The following UNC13B variants were observed in gnomAD, a reference collection of about 807,000 sequenced individuals.
UNC13B encodes unc-13 homolog B.
A neutral mutation model predicts 211.0 loss-of-function variants in UNC13B; 144 were observed. The ratio of observed to expected loss-of-function variants is 0.68; its 90% CI spans 0.60 to 0.78. The LOEUF is 0.78. UNC13B is among the 30% of genes least tolerant of loss of function. UNC13B has a pLI of 0.00. For synonymous variants in UNC13B, 709 were observed against 725.8 expected (o/e 0.98, Z 0.37); for missense variants, 1,777 against 2,002.0 (o/e 0.89, Z 2.14).
chr9:35,219,273 C>T lies in UNC13B; in HGVS notation c.23-8742C>T, dbSNP rs1378115739. On this transcript the variant is annotated intron_variant, in intron 1 of 39. Coordinates refer to ENST00000635942, the MANE Select transcript of UNC13B (RefSeq NM_001371189.2). Reference sequence around the variant, plus strand: ...ACCAGCTGGGGGTCCCTTCTTTGGTCCTTTGAGTGCAGAGTCTTTGCCCTG... The same window carrying T: ...ACCAGCTGGGGGTCCCTTCTTTGGTTCTTTGAGTGCAGAGTCTTTGCCCTG... 3.3e-5 allele frequency among the ~76,000 whole-genome samples: 5 copies of T among 152,146 alleles called. No individual in the cohort carries two copies. In the South Asian group the frequency reaches 8.3e-4, roughly 25 times the overall value.
chr9:35,253,499 C>A (rs192900370), intron 6 of UNC13B, among the ~76,000 whole-genome samples: 1 of 151,964 alleles, frequency 6.6e-6, no homozygotes, highest in African/African-American at 2.4e-5. Context: ...AAAAGGAAAC[C>A]CATGTGTATA....
chr9:35,162,746 A>T (rs927340722), intron 1 of UNC13B, among the ~76,000 whole-genome samples: 12 of 152,168 alleles, frequency 7.9e-5, no homozygotes, highest in African/African-American at 2.7e-4. Context: ...CAGCTGTCAC[A>T]TCCCTTCTAT....
chr9:35,257,390 T>TATAAATA (rs1162729349), intron 6 of UNC13B, among the ~76,000 whole-genome samples: 1 of 141,708 alleles, frequency 7.1e-6, no homozygotes, highest in African/African-American at 2.6e-5. Flanking sequence ...ATATAAATAT[T>TATAAATA]TATAAAAATA....
intron 7 of UNC13B, among the ~76,000 whole-genome samples, chr9:35,271,160 G>T (rs1827859956): frequency 6.8e-6 from 1 of 147,912 alleles, no homozygotes. Flanking sequence ...AAAAAAAAAG[G>T]ACATTTCTCC....
intron 13 of UNC13B, among the ~76,000 whole-genome samples, 176 bp downstream of exon 13, chr9:35,370,572 C>G (rs1438623238): frequency 6.6e-6 from 1 of 152,254 alleles, no homozygotes; most frequent in Non-Finnish European, 1.5e-5. Flanking sequence ...TGTTCTACCT[C>G]ACTCCCTAGT....
At chr9:35,183,728 C>T (rs1198756093) in intron 1 of UNC13B, among the ~76,000 whole-genome samples, 29 of 137,376 alleles carry the variant, frequency 2.1e-4, no homozygotes, top group African/African-American at 6.7e-4. Context: ...ACTTCCCAGA[C>T]GGGGCAGCCG....
intron 11 of UNC13B, among the ~76,000 whole-genome samples, chr9:35,347,947 T>C (rs1411573596): frequency 6.6e-6 from 1 of 151,988 alleles, no homozygotes; most frequent in Non-Finnish European, 1.5e-5. Flanking sequence ...AGGCCAAGTA[T>C]GTCTGGAGGG....
chr9:35,353,508 T>C (rs761139686), intron 11 of UNC13B: 16 of 1,231,420 alleles, frequency 1.3e-5, no homozygotes, highest in Non-Finnish European at 1.6e-5. Flanking sequence ...TCTGGTGGAG[T>C]TGGCGTCTCC....
rs61505062 is a variant in UNC13B at position 35,367,645 on chromosome 9, C to CT, written c.9461+653dup. 4.4e-4 allele frequency among the ~76,000 whole-genome samples: 67 copies of CT among 151,826 alleles called. 1 individual carries two copies. Among genetic ancestry groups the CT allele is most frequent in the African/African-American group, 1.6e-3 (66 of 41,356 alleles). ...GATGGTGTGGCTGATTAAGTTACTC[C>CT]TAGGCTTGATCCTGCTCCAGCTGTT... is the stretch of plus-strand genomic sequence containing the variant. On this transcript the variant is annotated intron_variant, in intron 12 of 39. Coordinates refer to ENST00000635942, the MANE Select transcript of UNC13B (RefSeq NM_001371189.2).
chr9:35,270,254 T>A (rs1827798973), intron 7 of UNC13B, among the ~76,000 whole-genome samples: 1 of 152,158 alleles, frequency 6.6e-6, no homozygotes, highest in South Asian at 2.1e-4. Context: ...ACTATGTTCT[T>A]CATACTGGTA....
In UNC13B at chr9:35,301,034, A is replaced by G. The variant is rs1408773719; in HGVS notation, c.1630A>G (p.Thr544Ala). 1.5e-5 allele frequency: 6 copies of G among 398,828 alleles called. No homozygotes were observed. Among genetic ancestry groups the G allele is most frequent in the African/African-American group, 4.1e-5 (2 of 48,618 alleles). 24.7% of individuals were successfully genotyped at this position (398,828 alleles called of 1,614,324 possible). A position where few individuals can be genotyped will look rare whatever the true frequency, so the allele number is the denominator to read the frequency against. Residue 544 changes from threonine to alanine, a missense_variant, in exon 9 of 40, where the codon ACA becomes GCA. Transcript: ENST00000635942. ...CAVGSLFSSL[T>A]EKVGSGTKHL... ...TGTTGGTTCTTTGTTTAGTTCACTC[A>G]CAGAAAAAGTGGGTTCAGGCACAAA...
intron 2 of UNC13B, among the ~76,000 whole-genome samples, chr9:35,230,406 G>A (rs1184152793): frequency 6.6e-6 from 1 of 150,608 alleles, no homozygotes; most frequent in East Asian, 2.0e-4. Flanking sequence ...GGTAGGTAGA[G>A]GTTGCAGTGA....
At position 35,247,131 on chromosome 9, in the gene UNC13B, C is replaced by G. The variant is rs539866646; in HGVS notation, c.468+3767C>G. 8.3e-3 allele frequency among the ~76,000 whole-genome samples: 1,268 copies of G among 152,198 alleles called. 16 individuals carry two copies. Among genetic ancestry groups the G allele is most frequent in the African/African-American group, 0.029 (1,204 of 41,546 alleles). ...TTTGAAGCAACTGTGAATGGGAGTT[C>G]ACTCATGATTTGGCTCTCTGTTTGT... is the stretch of plus-strand genomic sequence containing the variant. On this transcript the variant is annotated intron_variant, in intron 6 of 39. Coordinates refer to ENST00000635942, the MANE Select transcript of UNC13B (RefSeq NM_001371189.2).
At chr9:35,342,066 G>GT (rs1194164885) in intron 11 of UNC13B, 6 of 985,260 alleles carry the variant, frequency 6.1e-6, no homozygotes, top group African/African-American at 1.7e-5. Context: ...TCACTGAGGG[G>GT]TTTTTTTGCA....
At chr9:35,245,499 C>G (rs1197339193) in intron 6 of UNC13B, among the ~76,000 whole-genome samples, 2 of 119,186 alleles carry the variant, frequency 1.7e-5, no homozygotes, top group Non-Finnish European at 3.4e-5. Flanking sequence ...CCCTCCCCCC[C>G]TCCCCCCACC....
intron 7 of UNC13B, among the ~76,000 whole-genome samples, chr9:35,293,743 T>C (rs1365748153): frequency 1.3e-5 from 2 of 152,244 alleles, no homozygotes; most frequent in Non-Finnish European, 2.9e-5. Context: ...GTAAGCAGAA[T>C]GCTTTGCATC....
rs780869161 is a variant in UNC13B, at chr9:35,382,370, T to C, written c.10669T>C (p.Leu3557=). Residue 3557 remains leucine, a synonymous_variant, in exon 21 of 40, where the codon TTA becomes CTA. Coordinates refer to ENST00000635942, the MANE Select transcript of UNC13B (RefSeq NM_001371189.2). ...TGTGTTTTTCAGGCACTTTGCATGT[T>C]TATCATCCAAGTACATGTGTCCTGG... is the stretch of plus-strand genomic sequence containing the variant. ...IYQAMTHFAC[L]SSKYMCPGVP... 4 of 1,612,114 alleles carry C rather than the reference T, an allele frequency of 2.5e-6. No individual in the cohort carries two copies. Among genetic ancestry groups the C allele is most frequent in the Non-Finnish European group, 3.4e-6 (4 of 1,179,500 alleles).
chr9:35,239,580 C>T (rs1825695842), intron 5 of UNC13B, among the ~76,000 whole-genome samples: 2 of 152,142 alleles, frequency 1.3e-5, no homozygotes, highest in African/African-American at 4.8e-5. Flanking sequence ...TGAGAGCAGA[C>T]AACTGGTCTG....
intron 1 of UNC13B, among the ~76,000 whole-genome samples, chr9:35,212,666 G>A (rs1824036178): frequency 6.6e-6 from 1 of 152,164 alleles, no homozygotes; most frequent in East Asian, 1.9e-4. Context: ...CCCTTGTACT[G>A]CAAAAGCTTA....
Sources: allele counts gnomAD v4.1 joint callset (sites outside exome capture counted in the v4.1 genomes callset), GRCh38; gene constraint gnomAD v4.1.1; transcripts MANE v1.5; gene names NCBI Gene and HGNC (gene_info 2026-07-23, HGNC 2026-07-21).